The following TRIM55 variants were observed in gnomAD, a reference collection of about 807,000 sequenced individuals.
TRIM55 encodes the protein tripartite motif-containing protein 55.
In TRIM55, 50 loss-of-function variants were observed where a neutral mutation model predicts 60.9. The observed-to-expected ratio is 0.82, with a 90% confidence interval of 0.65 to 1.04. The LOEUF is 1.04. TRIM55 is among the 50% of genes least tolerant of loss of function. The pLI, the probability that TRIM55 is intolerant of heterozygous loss-of-function variation, is 0.00. For missense variants in TRIM55, 681 were observed against 666.9 expected, an observed-to-expected ratio of 1.02 and a Z score of -0.23; for synonymous variants, 237 against 238.1, an observed-to-expected ratio of 1.00 and a Z score of 0.04.
intron 4 of TRIM55, among the ~76,000 whole-genome samples, chr8:66,138,148 G>A (rs968839416): frequency 2.0e-5 from 3 of 152,094 alleles, no homozygotes; most frequent in East Asian, 1.9e-4. Context: ...TCAGTTCATG[G>A]CATATAGTTC....
intron 9 of TRIM55, among the ~76,000 whole-genome samples, chr8:66,162,088 CTTGTT>C (rs1333441455): frequency 6.6e-6 from 1 of 151,076 alleles, no homozygotes; most frequent in African/African-American, 2.5e-5. Context: ...GCATCCTTGT[CTTGTT>C]CTTGTTCTCA....
intron 9 of TRIM55, among the ~76,000 whole-genome samples, chr8:66,170,760 A>G (rs28705810): frequency 0.042 from 6,338 of 152,310 alleles, 422 homozygotes; most frequent in African/African-American, 0.14. Context: ...AAAAAATTTA[A>G]CAGAGTTACC....
chr8:66,161,688 T>C (rs186644105), intron 9 of TRIM55, among the ~76,000 whole-genome samples: 2 of 150,482 alleles, frequency 1.3e-5, no homozygotes, highest in Admixed American at 6.5e-5. Flanking sequence ...CTATGATTTC[T>C]TTCCACAGTG....
chr8:66,138,201 C>T (rs924030409), intron 4 of TRIM55, among the ~76,000 whole-genome samples: 4 of 152,120 alleles, frequency 2.6e-5, no homozygotes, highest in South Asian at 4.1e-4. Context: ...ATTTATTTCC[C>T]GTTATCCTCA....
intron 9 of TRIM55, among the ~76,000 whole-genome samples, chr8:66,155,919 C>CT (rs1810712850): frequency 6.6e-6 from 1 of 152,212 alleles, no homozygotes; most frequent in Non-Finnish European, 1.5e-5. Context: ...GCTCCATTAT[C>CT]TATTCCTGCA....
chr8:66,150,859 T>A (rs576444592), intron 7 of TRIM55, among the ~76,000 whole-genome samples: 1 of 152,132 alleles, frequency 6.6e-6, no homozygotes, highest in Non-Finnish European at 1.5e-5. Flanking sequence ...AGAGGTAGGG[T>A]TTCGCCATGT....
chr8:66,132,544 G>A lies in TRIM55; in HGVS notation c.342-2446G>A, dbSNP rs114810772. 5.8e-3 allele frequency among the ~76,000 whole-genome samples: 884 copies of A among 152,248 alleles called. 18 individuals carry two copies. Among genetic ancestry groups the A allele is most frequent in the African/African-American group, 0.02 (842 of 41,532 alleles). On this transcript the variant is annotated intron_variant, in intron 2 of 9. Coordinates refer to ENST00000315962, the MANE Select transcript of TRIM55 (RefSeq NM_184085.2). ...CCTCAGGAAACTCTAGGGTGGCCCC[G>A]GGAACCTCAGAGACCAGAGACAGCA...
chr8:66,135,039 C>G lies in TRIM55; in HGVS notation c.391C>G (p.Arg131Gly). 2 of 1,614,158 alleles carry G rather than the reference C, an allele frequency of 1.2e-6. No individual in the cohort carries two copies. The highest frequency in any genetic ancestry group is 1.7e-6 in the Non-Finnish European group (2 of 1,180,026). ...QPMCEEHEEE[R>G]INIYCLNCEV... ...CATGTGCGAGGAACATGAAGAGGAGCGCATCAACATCTACTGTCTGAACTG... is the reference window on the plus strand; with the variant it reads ...CATGTGCGAGGAACATGAAGAGGAGGGCATCAACATCTACTGTCTGAACTG... The change falls in exon 3 of 10, where the codon CGC (arginine) becomes GGC (glycine). Residue 131 changes from arginine to glycine, a missense_variant. Transcript: ENST00000315962.
intron 4 of TRIM55, among the ~76,000 whole-genome samples, chr8:66,142,432 A>G (rs1160169846): frequency 6.6e-6 from 1 of 152,210 alleles, no homozygotes; most frequent in Non-Finnish European, 1.5e-5. Context: ...TCTGGGAAAC[A>G]TGGTGACTAC....
At chr8:66,114,022 T>G in the TRIM55 span, among the ~76,000 whole-genome samples, 1 of 147,966 alleles carries the variant, frequency 6.8e-6, no homozygotes, top group African/African-American at 2.5e-5. Flanking sequence ...CGGAGGACTG[T>G]AGGCGCGCGC....
chr8:66,174,779 G>T lies in TRIM55; in HGVS notation c.*186G>T. The T allele has an allele frequency of 2.2e-6, 1 of 450,544 alleles. No individual in the cohort carries two copies. Among genetic ancestry groups the T allele is most frequent in the Non-Finnish European group, 3.6e-6 (1 of 275,390 alleles). The allele number at this position is 450,544 out of a possible 1,614,324, so 27.9% of individuals were successfully genotyped here. A position where few individuals can be genotyped will look rare whatever the true frequency, so the allele number is the denominator to read the frequency against. ...ATCTTGGGGGGAAAGAATATTTTGAGAAAATAGTTGCAGAAAGCACTGGAA... is the reference window on the plus strand; with the variant it reads ...ATCTTGGGGGGAAAGAATATTTTGATAAAATAGTTGCAGAAAGCACTGGAA... On this transcript the variant is annotated 3_prime_UTR_variant, in exon 10 of 10. Coordinates refer to ENST00000315962, the MANE Select transcript of TRIM55 (RefSeq NM_184085.2).
intron 4 of TRIM55, among the ~76,000 whole-genome samples, chr8:66,138,602 G>T (rs956836131): frequency 6.6e-6 from 1 of 152,176 alleles, no homozygotes; most frequent in African/African-American, 2.4e-5. Flanking sequence ...TGTTGGCCAG[G>T]CTGGTCTCAA....
chr8:66,159,272 G>T (rs552189705), intron 9 of TRIM55, among the ~76,000 whole-genome samples: 19 of 152,326 alleles, frequency 1.2e-4, no homozygotes, highest in African/African-American at 4.6e-4. Flanking sequence ...ACTGTCTTGT[G>T]AATGAAAACA....
intron 9 of TRIM55, among the ~76,000 whole-genome samples, chr8:66,164,262 C>A (rs1236061590): frequency 6.6e-6 from 1 of 152,180 alleles, no homozygotes; most frequent in Non-Finnish European, 1.5e-5. Flanking sequence ...ACAAGCACGG[C>A]CAAGCACAAC....
rs750201649 is a variant in TRIM55 at position 66,128,358 on chromosome 8, C to A, written c.223C>A (p.Arg75=). Residue 75 remains arginine (R), a synonymous_variant, in exon 2 of 10, where the codon CGA becomes AGA. Transcript: ENST00000315962. ...AGGTACCACCATGGCATCAGGGGGCCGATTCCGCTGCCCATCCTGTAGACA... is the reference window on the plus strand; with the variant it reads ...AGGTACCACCATGGCATCAGGGGGCAGATTCCGCTGCCCATCCTGTAGACA... ...RGGTTMASGG[R]FRCPSCRHEV... is the part of the protein sequence containing the mutation. 1.9e-6 allele frequency: 3 copies of A among 1,613,328 alleles called. No homozygotes were observed. The African/African-American group carries it at 4.0e-5, about 22-fold the overall frequency.
chr8:66,144,809 C>G (rs546986686), intron 4 of TRIM55, among the ~76,000 whole-genome samples: 2 of 152,284 alleles, frequency 1.3e-5, no homozygotes, highest in Admixed American at 1.3e-4. Flanking sequence ...GGAGAAGAGA[C>G]AAATATGGTT....
At chr8:66,173,703 T>C (rs1811764630) in intron 9 of TRIM55, among the ~76,000 whole-genome samples, 1 of 152,226 alleles carries the variant, frequency 6.6e-6, no homozygotes, top group Admixed American at 6.5e-5. Flanking sequence ...CAGCAAGACT[T>C]CTTCCTGATT....
upstream of TRIM55, among the ~76,000 whole-genome samples, chr8:66,125,442 T>C (rs1808784057): frequency 6.6e-6 from 1 of 152,244 alleles, no homozygotes; most frequent in East Asian, 1.9e-4. Context: ...ATGAATTCCT[T>C]CTAAAAGAAA....
the TRIM55 span, among the ~76,000 whole-genome samples, chr8:66,120,482 T>C: frequency 4.6e-5 from 7 of 152,288 alleles, no homozygotes; most frequent in South Asian, 1.4e-3. Flanking sequence ...CTTTAAGCCA[T>C]GTGATGTCAG....
Sources: allele counts gnomAD v4.1 joint callset (sites outside exome capture counted in the v4.1 genomes callset), GRCh38; gene constraint gnomAD v4.1.1; transcripts MANE v1.5; gene names NCBI Gene and HGNC (gene_info 2026-07-23, HGNC 2026-07-21).